The following PITPNM3 variants were observed in gnomAD, a reference collection of about 807,000 sequenced individuals.
PITPNM3 encodes the protein PITPNM family member 3, also known as membrane-associated phosphatidylinositol transfer protein 3.
A neutral mutation model predicts 102.0 loss-of-function variants in PITPNM3; 26 were observed. The observed-to-expected ratio is 0.25, with a 90% CI of 0.19 to 0.35. The LOEUF (loss-of-function observed/expected upper bound fraction) is 0.35. Among genes scored for constraint, PITPNM3 ranks in the 10% least tolerant of loss-of-function variants. The probability of loss-of-function intolerance (pLI) is 1.00; values close to 1 mark genes in which losing one functional copy is unlikely to be tolerated. For synonymous variants in PITPNM3, 578 were observed against 558.6 expected, an observed-to-expected ratio of 1.03 and a Z score of -0.49; for missense variants, 1,083 against 1,346.1, an observed-to-expected ratio of 0.80 and a Z score of 3.06.
rs1314122988 is a variant in PITPNM3, at chr17:6,537,721, G to A, written c.118+266C>T. Among the ~76,000 whole-genome samples, 2 of 152,212 alleles carry A rather than the reference G, an allele frequency of 1.3e-5. No homozygotes were observed. Among genetic ancestry groups the A allele is most frequent in the Admixed American group, 1.3e-4 (2 of 15,276 alleles). On this transcript the variant is annotated intron_variant, in intron 2 of 19. Transcript: ENST00000262483. This position sits in a 1 kb window ranked among gnomAD's most constrained non-coding sequence, Gnocchi z 4.4. ...CAAGGCTATAAGTATGATGAGAGCA[G>A]CAATGTGACGACTGATTGCCACAGG...
chr17:6,461,286 C>T, intron 18 of PITPNM3, 87 bp downstream of exon 18: 3 of 1,494,374 alleles, frequency 2.0e-6, no homozygotes, highest in Non-Finnish European at 2.8e-6. Flanking sequence ...TCACAAGGCC[C>T]CACCCGGGAG....
intron 17 of PITPNM3, among the ~76,000 whole-genome samples, chr17:6,462,880 CATGTGGAGCA>C (rs1567660009): frequency 6.7e-6 from 1 of 150,184 alleles, no homozygotes; most frequent in Non-Finnish European, 1.5e-5. Flanking sequence ...TGGGGAGCAC[CATGTGGAGCA>C]CCATGGGGAG....
intron 9 of PITPNM3, among the ~76,000 whole-genome samples, chr17:6,475,556 C>T (rs181897557): frequency 1.3e-5 from 2 of 152,250 alleles, no homozygotes; most frequent in Non-Finnish European, 2.9e-5. Context: ...TCAGTCTCCG[C>T]ACTCCCTCCT....
At chr17:6,502,205 T>A (rs140341224) in intron 4 of PITPNM3, among the ~76,000 whole-genome samples, 371 of 152,330 alleles carry the variant, frequency 2.4e-3, no homozygotes, top group African/African-American at 8.7e-3. Flanking sequence ...ATCCCAGAAT[T>A]TTGGGAGACC....
intron 17 of PITPNM3, 76 bp downstream of exon 17, chr17:6,463,656 A>C: frequency 6.5e-7 from 1 of 1,549,634 alleles, no homozygotes; most frequent in East Asian, 2.4e-5. Context: ...CAAATCAGAA[A>C]AACAACATAT....
chr17:6,455,236 A>G lies in PITPNM3; in HGVS notation c.*102T>C, dbSNP rs1214063181. 1.4e-6 allele frequency: 2 copies of G among 1,390,700 alleles called. No individual in the cohort carries two copies. The highest frequency in any genetic ancestry group is 1.9e-6 in the Non-Finnish European group (2 of 1,044,644). The allele number at this position is 1,390,700 out of a possible 1,614,324, so 86.1% of individuals were successfully genotyped here. A position where few individuals can be genotyped will look rare whatever the true frequency, so the allele number is the denominator to read the frequency against. Reference sequence around the variant, plus strand: ...ACTGCTGGACAGACACGGGAGGGAAAAAGCAGGAAAACGCCTGTGTCGGGG... The same window carrying G: ...ACTGCTGGACAGACACGGGAGGGAAGAAGCAGGAAAACGCCTGTGTCGGGG... On this transcript the variant is annotated 3_prime_UTR_variant, in exon 20 of 20. Transcript: ENST00000262483.
intron 3 of PITPNM3, among the ~76,000 whole-genome samples, chr17:6,506,434 C>T (rs566190391): frequency 3.3e-5 from 5 of 149,300 alleles, no homozygotes; most frequent in African/African-American, 1.2e-4. Context: ...TGCAATGGTG[C>T]GATTTCGGCT....
chr17:6,508,444 G>A (rs1907674311), intron 3 of PITPNM3, among the ~76,000 whole-genome samples: 1 of 152,188 alleles, frequency 6.6e-6, no homozygotes, highest in African/African-American at 2.4e-5. Context: ...TACTGGGAAG[G>A]GCTCTTCCCA....
At chr17:6,464,597 C>T in intron 15 of PITPNM3, 58 bp downstream of exon 15, 1 of 1,521,422 alleles carries the variant, frequency 6.6e-7, no homozygotes, top group Admixed American at 1.7e-5. Flanking sequence ...CTATGTGGCT[C>T]CATGAGGCAC....
chr17:6,535,845 G>A (rs934841422), intron 2 of PITPNM3, among the ~76,000 whole-genome samples: 5 of 151,916 alleles, frequency 3.3e-5, no homozygotes, highest in Non-Finnish European at 5.9e-5. Context: ...ATCACTTGAG[G>A]TCAGGAGTTT....
Position 6,459,829 on chromosome 17 carries a change from C to T in PITPNM3, c.2490+1544G>A, listed in dbSNP as rs2150714366. On this transcript the variant is annotated intron_variant, in intron 18 of 19. Transcript: ENST00000262483. The surrounding 1 kb of genome is among the most constrained non-coding windows in gnomAD (Gnocchi z 5.0). ...GAACTCCTCGCTCCCTGCATCCAACCATCCCTGAGCCCCGACTATTCCACC... is the reference window on the plus strand; with the variant it reads ...GAACTCCTCGCTCCCTGCATCCAACTATCCCTGAGCCCCGACTATTCCACC... 6.6e-6 allele frequency among the ~76,000 whole-genome samples: 1 copy of T among 152,218 alleles called. No homozygotes were observed. The highest frequency in any genetic ancestry group is 6.5e-5 in the Admixed American group (1 of 15,292).
intron 1 of PITPNM3, among the ~76,000 whole-genome samples, chr17:6,545,234 G>C (rs1909961381): frequency 6.6e-6 from 1 of 152,176 alleles, no homozygotes; most frequent in Admixed American, 6.5e-5. Context: ...TTTCAAAACG[G>C]TTTAGCAGAG....
chr17:6,496,309 C>T (rs1477923579), intron 4 of PITPNM3, among the ~76,000 whole-genome samples: 2 of 152,162 alleles, frequency 1.3e-5, no homozygotes, highest in African/African-American at 2.4e-5. Flanking sequence ...CTCCAGGCTT[C>T]TCTTATCCTG....
At chr17:6,491,605 G>A (rs894403277) in intron 4 of PITPNM3, among the ~76,000 whole-genome samples, 1 of 152,074 alleles carries the variant, frequency 6.6e-6, no homozygotes, top group African/African-American at 2.4e-5. Flanking sequence ...AGGGCTTCAA[G>A]AGACTGAAAC....
rs1180228797 is a variant in PITPNM3 at position 6,556,251 on chromosome 17, G to A, written c.22+134C>T. ...CTCCACGCGCGGGAGGTCCAGCCCC[G>A]CTACCGCCCCCTACGCCCTCCCGGG... On this transcript the variant is annotated intron_variant, in intron 1 of 19. Transcript: ENST00000262483. This position sits in a 1 kb window ranked among gnomAD's most constrained non-coding sequence, Gnocchi z 5.2. The A allele has an allele frequency of 3.0e-6, 2 of 655,974 alleles. No individual in the cohort carries two copies. The allele number at this position is 655,974 out of a possible 1,614,324, so 40.6% of individuals were successfully genotyped here.
chr17:6,539,808 C>T, intron 1 of PITPNM3, among the ~76,000 whole-genome samples: 1 of 152,124 alleles, frequency 6.6e-6, no homozygotes, highest in East Asian at 1.9e-4. Flanking sequence ...CCTTGCTATC[C>T]CAGTCTTTTC....
rs979301814 is a variant in PITPNM3 at position 6,537,541 on chromosome 17, C to T, written c.118+446G>A. On this transcript the variant is annotated intron_variant, in intron 2 of 19. Transcript: ENST00000262483. The surrounding 1 kb of genome is among the most constrained non-coding windows in gnomAD (Gnocchi z 4.4). ...CCTCAGGTGATCCACCCACCTTGGC[C>T]TCCCAAAGTGCTGGGATTACAGGTG... Among the ~76,000 whole-genome samples, 12 of 152,226 alleles carry T rather than the reference C, an allele frequency of 7.9e-5. No homozygotes were observed. Among genetic ancestry groups the T allele is most frequent in the African/African-American group, 2.7e-4 (11 of 41,454 alleles).
At chr17:6,506,379 C>CT (rs55749537) in intron 3 of PITPNM3, among the ~76,000 whole-genome samples, 127 of 140,718 alleles carry the variant, frequency 9.0e-4, no homozygotes, top group Admixed American at 2.3e-3. Context: ...TCCTTTCTCT[C>CT]TTTTTTTTTT....
chr17:6,548,266 T>C (rs1910132820), intron 1 of PITPNM3, among the ~76,000 whole-genome samples: 1 of 152,134 alleles, frequency 6.6e-6, no homozygotes, highest in Non-Finnish European at 1.5e-5. Context: ...GCCCCTCCAT[T>C]TGGTGCCAAA....
Sources: allele counts gnomAD v4.1 joint callset (sites outside exome capture counted in the v4.1 genomes callset), GRCh38; gene constraint gnomAD v4.1.1; non-coding constraint Gnocchi (gnomAD v3.1); transcripts MANE v1.5; gene names NCBI Gene and HGNC (gene_info 2026-07-23, HGNC 2026-07-21).